Variants in USP8 observed in about 807,000 individuals in gnomAD.
The protein encoded by USP8 is ubiquitin carboxyl-terminal hydrolase 8.
Under a neutral mutation model 130.0 loss-of-function variants are expected in USP8, and 27 were observed. That is an observed-to-expected ratio of 0.21 (90% confidence interval 0.15 to 0.29). The LOEUF (loss-of-function observed/expected upper bound fraction) is 0.29. USP8 is among the 10% of genes least tolerant of loss of function. USP8 has a pLI of 1.00. For synonymous variants in USP8, 392 were observed against 444.1 expected (o/e 0.88, Z 1.48); for missense variants, 1,029 against 1,312.2 (o/e 0.78, Z 3.33).
intron 12 of USP8, 28 bp from the exon 13 acceptor site, chr15:50,489,773 T>G: frequency 7.2e-7 from 1 of 1,386,248 alleles, no homozygotes; most frequent in Non-Finnish European, 9.4e-7. Flanking sequence ...AAATTTTTTT[T>G]TAATTTTTTT....
At chr15:50,493,799 A>C (rs773508831) in intron 15 of USP8, 37 of 582,016 alleles carry the variant, frequency 6.4e-5, no homozygotes, top group Non-Finnish European at 1.1e-4. Flanking sequence ...GGATGAGAGC[A>C]GTGCCAGAAG....
chr15:50,482,601 A>G (rs1465841502), intron 11 of USP8, among the ~76,000 whole-genome samples: 1 of 152,210 alleles, frequency 6.6e-6, no homozygotes, highest in Non-Finnish European at 1.5e-5. Context: ...GCCCTTGGCT[A>G]CACACCCAAA....
intron 1 of USP8, among the ~76,000 whole-genome samples, chr15:50,424,826 GTTTT>G (rs57263195): frequency 6.9e-6 from 1 of 144,568 alleles, no homozygotes; most frequent in African/African-American, 2.6e-5. Context: ...CTTGCTTCCG[GTTTT>G]TTTTTTTTTC....
intron 1 of USP8, among the ~76,000 whole-genome samples, chr15:50,433,723 A>G (rs757504185): frequency 3.9e-5 from 6 of 152,090 alleles, no homozygotes; most frequent in Non-Finnish European, 8.8e-5. Flanking sequence ...CTCCTGCCTC[A>G]GCCTCCTGAG....
chr15:50,424,607 C>T (rs2049635229), intron 1 of USP8, 93 bp downstream of exon 1: 1 of 397,704 alleles, frequency 2.5e-6, no homozygotes, highest in Non-Finnish European at 4.4e-6. Context: ...TGCTGGTTAC[C>T]CCGGAGACAA....
intron 3 of USP8, 21 bp from the exon 4 acceptor site, chr15:50,449,379 A>T (rs1379096634): frequency 6.6e-7 from 1 of 1,509,246 alleles, no homozygotes; most frequent in Admixed American, 2.0e-5. Context: ...ACAATATGGG[A>T]TGGTTTTCCT....
intron 6 of USP8, among the ~76,000 whole-genome samples, chr15:50,463,929 A>C (rs1283181293): frequency 6.6e-6 from 1 of 152,214 alleles, no homozygotes; most frequent in Non-Finnish European, 1.5e-5. Context: ...AAAGTAAATA[A>C]ATTAAATATT....
At chr15:50,436,105 T>G (rs1321680782) in intron 1 of USP8, among the ~76,000 whole-genome samples, 1 of 152,120 alleles carries the variant, frequency 6.6e-6, no homozygotes, top group Non-Finnish European at 1.5e-5. Flanking sequence ...ATCACTTACC[T>G]CCCTACTTCA....
chr15:50,495,482 TTG>T (rs1491112674), intron 16 of USP8, among the ~76,000 whole-genome samples: 2 of 104,842 alleles, frequency 1.9e-5, no homozygotes, highest in South Asian at 3.3e-4. Context: ...TTAGTAGAGA[TTG>T]GAGGGGGGGG....
At chr15:50,491,081 T>C (rs2052143824) in intron 14 of USP8, among the ~76,000 whole-genome samples, 1 of 152,238 alleles carries the variant, frequency 6.6e-6, no homozygotes, top group African/African-American at 2.4e-5. Flanking sequence ...TAGTTTCATT[T>C]AGCTATACTT....
intron 4 of USP8, among the ~76,000 whole-genome samples, chr15:50,456,316 A>G (rs556338277): frequency 3.3e-5 from 5 of 152,180 alleles, no homozygotes; most frequent in Non-Finnish European, 7.3e-5. Context: ...TCATGCCTGT[A>G]ATCCCAGCAC....
chr15:50,457,462 G>A (rs2050827377), intron 4 of USP8, among the ~76,000 whole-genome samples: 1 of 151,632 alleles, frequency 6.6e-6, no homozygotes, highest in Non-Finnish European at 1.5e-5. Flanking sequence ...GGAGGTTGAG[G>A]CAGGAGAATC....
intron 11 of USP8, 49 bp from the exon 12 acceptor site, chr15:50,484,226 A>T (rs755368729): frequency 6.9e-7 from 1 of 1,440,528 alleles, no homozygotes; most frequent in Non-Finnish European, 9.6e-7. Flanking sequence ...TTATGTTGGG[A>T]GGAGAATTAA....
chr15:50,441,463 C>CA lies in USP8; in HGVS notation c.226dup (p.Arg76LysfsTer3), dbSNP rs1567603601. Reference sequence around the variant, plus strand: ...AATACGTGACTGTTTATAATCTTATCAAAAAAAGACCTGATTTCAAGCAAC... The same window carrying CA: ...AATACGTGACTGTTTATAATCTTATCAAAAAAAAGACCTGATTTCAAGCAAC... On this transcript the variant is annotated frameshift_variant, in exon 3 of 20. Coordinates refer to ENST00000307179, the MANE Select transcript of USP8 (RefSeq NM_005154.5). LOFTEE classifies it high-confidence loss of function. The CA allele has an allele frequency of 3.2e-6, 5 of 1,572,578 alleles. No homozygotes were observed. The highest frequency in any genetic ancestry group is 2.0e-5 in the Admixed American group (1 of 48,994).
chr15:50,462,271 A>G lies in USP8; in HGVS notation c.499-9A>G, dbSNP rs757071029. The G allele has an allele frequency of 2.5e-6, 4 of 1,593,898 alleles. No homozygotes were observed. The highest frequency in any genetic ancestry group is 2.2e-5 in the East Asian group (1 of 44,492). On this transcript the variant is annotated splice_polypyrimidine_tract_variant and intron_variant, in intron 5 of 19. Transcript: ENST00000307179. ...AAAGTTGAAACTTTTTTTTTTTCCT[A>G]TGCAATAGAGCAATGGTGAAAAGAA...
chr15:50,499,960 ATGATTGCAAAG>A lies in USP8; in HGVS notation c.*876_*886del, dbSNP rs1167689230. On this transcript the variant is annotated 3_prime_UTR_variant, in exon 20 of 20. Transcript: ENST00000307179. ...AAAGTAAAAATGCCGGGAGTCAGGC[ATGATTGCAAAG>A]TGAACTGCATTATAAACTACATCTT... 6.6e-6 allele frequency: 1 copy of A among 152,194 alleles called. No individual in the cohort carries two copies. The highest frequency in any genetic ancestry group is 1.5e-5 in the Non-Finnish European group (1 of 68,028). 9.4% of individuals were successfully genotyped at this position (152,194 alleles called of 1,614,324 possible). A position where few individuals can be genotyped will look rare whatever the true frequency, so the allele number is the denominator to read the frequency against.
At chr15:50,424,771 C>G (rs968120668) in intron 1 of USP8, 19 of 326,062 alleles carry the variant, frequency 5.8e-5, no homozygotes, top group African/African-American at 2.6e-4. Flanking sequence ...TTTGACCAAT[C>G]TTCCGTTCTC....
chr15:50,467,713 G>A (rs1467365579), intron 7 of USP8, among the ~76,000 whole-genome samples: 1 of 151,582 alleles, frequency 6.6e-6, no homozygotes, highest in Admixed American at 6.6e-5. Flanking sequence ...ATGCCACCAT[G>A]CCCAGCTGAT....
intron 15 of USP8, chr15:50,493,731 G>A: frequency 5.2e-6 from 2 of 388,024 alleles, no homozygotes; most frequent in Non-Finnish European, 9.9e-6. Flanking sequence ...CTGGGTGACA[G>A]AATGAGACCC....
Sources: gnomAD v4.1 joint callset for allele counts (sites outside exome capture counted in the v4.1 genomes callset) on GRCh38, gnomAD v4.1.1 for gene constraint, MANE v1.5 for transcripts, NCBI Gene and HGNC (gene_info 2026-07-23, HGNC 2026-07-21) for gene names.